KAT6A: variants seen among roughly 807,000 people sequenced by gnomAD.
KAT6A encodes the protein histone acetyltransferase KAT6A.
Under a neutral mutation model 198.4 loss-of-function variants are expected in KAT6A, and 9 were observed. The observed-to-expected ratio is 0.05, with a 90% CI of 0.03 to 0.08. The LOEUF (loss-of-function observed/expected upper bound fraction) is 0.08. KAT6A is among the 10% of genes least tolerant of loss of function. KAT6A has a pLI of 1.00. For missense variants in KAT6A, 2,077 were observed against 2,509.9 expected, an observed-to-expected ratio of 0.83 and a Z score of 3.69; for synonymous variants, 890 against 883.0, an observed-to-expected ratio of 1.01 and a Z score of -0.14.
At chr8:41,996,653 CCTCT>C (rs913686598) in intron 2 of KAT6A, among the ~76,000 whole-genome samples, 35 of 152,278 alleles carry the variant, frequency 2.3e-4, no homozygotes, top group Admixed American at 2.2e-3. Context: ...GCCCCCTTTT[CCTCT>C]CTGTCTTGCG....
chr8:41,952,349 G>A (rs1203563938), intron 9 of KAT6A, among the ~76,000 whole-genome samples: 2 of 152,128 alleles, frequency 1.3e-5, no homozygotes, highest in Non-Finnish European at 2.9e-5. Flanking sequence ...TCAAAGCTAA[G>A]CTCAAAGCAG....
chr8:42,007,986 AAT>A (rs1491106523), intron 2 of KAT6A, among the ~76,000 whole-genome samples: 8,984 of 142,674 alleles, frequency 0.063, 462 homozygotes, highest in East Asian at 0.16. Flanking sequence ...AAAAAAAAAA[AAT>A]TTTTATTGTT....
chr8:41,971,459 G>A (rs1435216765), intron 8 of KAT6A, among the ~76,000 whole-genome samples: 2 of 152,134 alleles, frequency 1.3e-5, no homozygotes, highest in East Asian at 3.9e-4. Flanking sequence ...GAGGCAAGGT[G>A]CAGCGACTGC....
intron 2 of KAT6A, among the ~76,000 whole-genome samples, chr8:41,989,551 G>GTGACA (rs1252967420): frequency 5.3e-5 from 8 of 151,864 alleles, no homozygotes; most frequent in African/African-American, 1.7e-4. Flanking sequence ...GTGACGTGAC[G>GTGACA]TGACGTGACG....
At chr8:41,988,324 G>A (rs969491384) in intron 2 of KAT6A, among the ~76,000 whole-genome samples, 3 of 152,178 alleles carry the variant, frequency 2.0e-5, no homozygotes, top group East Asian at 1.9e-4. Flanking sequence ...AGATAAGTTC[G>A]TGAAGACTGC....
At chr8:42,029,065 A>G (rs749213527) in intron 2 of KAT6A, among the ~76,000 whole-genome samples, 1 of 152,136 alleles carries the variant, frequency 6.6e-6, no homozygotes, top group African/African-American at 2.4e-5. Flanking sequence ...CAGCTTTGTT[A>G]GGTGTAGTAT....
Position 41,949,399 on chromosome 8 carries a change from T to C in KAT6A, c.1599-36A>G, listed in dbSNP as rs767996758. ...TAATTAAACAAAAAAGACAGGGCTT[T>C]ATATTTTAGAGTACTTCAAACTTCC... On this transcript the variant is annotated intron_variant, in intron 9 of 16. Coordinates refer to ENST00000265713, the MANE Select transcript of KAT6A (RefSeq NM_006766.5). 6.3e-6 allele frequency: 9 copies of C among 1,424,302 alleles called. No individual in the cohort carries two copies. The Admixed American group carries it at 2.4e-4, about 39-fold the overall frequency. The allele number at this position is 1,424,302 out of a possible 1,614,324, so 88.2% of individuals were successfully genotyped here.
intron 2 of KAT6A, among the ~76,000 whole-genome samples, chr8:41,989,558 GACGTAACATA>G (rs1824818668): frequency 6.6e-6 from 1 of 151,712 alleles, no homozygotes; most frequent in African/African-American, 2.4e-5. Context: ...GACGTGACGT[GACGTAACATA>G]ACATAACTAA....
intron 2 of KAT6A, among the ~76,000 whole-genome samples, chr8:42,026,431 T>C (rs1826814380): frequency 6.6e-6 from 1 of 152,170 alleles, no homozygotes; most frequent in East Asian, 1.9e-4. Flanking sequence ...TTTGTTTGTG[T>C]CCTCCAATTT....
At chr8:42,007,313 T>C (rs565939449) in intron 2 of KAT6A, among the ~76,000 whole-genome samples, 7 of 152,268 alleles carry the variant, frequency 4.6e-5, no homozygotes, top group African/African-American at 1.7e-4. Flanking sequence ...ATTCTCCAAA[T>C]ATGGGGAACT....
intron 2 of KAT6A, among the ~76,000 whole-genome samples, chr8:42,041,864 A>AT (rs1261129908): frequency 6.6e-6 from 1 of 152,136 alleles, no homozygotes; most frequent in Non-Finnish European, 1.5e-5. Context: ...TATCCTCAAT[A>AT]TTTTATCTTT....
chr8:42,009,917 A>AAC (rs1554693834), intron 2 of KAT6A, among the ~76,000 whole-genome samples: 5 of 149,288 alleles, frequency 3.3e-5, no homozygotes, highest in African/African-American at 5.0e-5. Context: ...AAAAAAAACA[A>AAC]AAAAAAACAA....
chr8:41,954,746 T>TA (rs1289601904), intron 9 of KAT6A, among the ~76,000 whole-genome samples: 1 of 152,178 alleles, frequency 6.6e-6, no homozygotes. Context: ...TTACACAACT[T>TA]ACCAATTTCA....
intron 2 of KAT6A, among the ~76,000 whole-genome samples, chr8:42,008,335 T>C (rs1357402538): frequency 6.6e-6 from 1 of 152,102 alleles, no homozygotes; most frequent in African/African-American, 2.4e-5. Flanking sequence ...ACCCTATCCT[T>C]AAGTAATATT....
chr8:42,006,995 CA>C (rs10701182), intron 2 of KAT6A, among the ~76,000 whole-genome samples: 980 of 88,160 alleles, frequency 0.011, 10 homozygotes, highest in African/African-American at 0.038. Context: ...GACTCCATCT[CA>C]AAAAAAAAAA....
chr8:41,974,893 T>C (rs1420549164), intron 7 of KAT6A, 71 bp from the exon 8 acceptor site: 1 of 878,768 alleles, frequency 1.1e-6, no homozygotes, highest in African/African-American at 1.7e-5. Flanking sequence ...AAATTTCAGG[T>C]CTTTATTTCA....
chr8:41,953,375 A>C (rs1409253135), intron 9 of KAT6A, among the ~76,000 whole-genome samples: 1 of 152,222 alleles, frequency 6.6e-6, no homozygotes, highest in African/African-American at 2.4e-5. Flanking sequence ...TTCTAAGTTG[A>C]GTGCTCTTGT....
intron 12 of KAT6A, 137 bp downstream of exon 12, chr8:41,946,454 A>G (rs1822390565): frequency 2.0e-6 from 1 of 512,650 alleles, no homozygotes; most frequent in South Asian, 3.1e-5. Context: ...AGATACTAGC[A>G]GCCAACAAAG....
chr8:41,985,371 T>G (rs551350144), intron 3 of KAT6A, among the ~76,000 whole-genome samples: 29 of 152,320 alleles, frequency 1.9e-4, no homozygotes, highest in Non-Finnish European at 3.8e-4. Context: ...ACTGAAAAGC[T>G]AAAAAATCAT....
Sources: allele counts gnomAD v4.1 joint callset (sites outside exome capture counted in the v4.1 genomes callset), GRCh38; gene constraint gnomAD v4.1.1; transcripts MANE v1.5; gene names NCBI Gene and HGNC (gene_info 2026-07-23, HGNC 2026-07-21).